Variants in SCN7A observed in about 807,000 individuals in gnomAD.
SCN7A encodes sodium voltage-gated channel alpha subunit 7.
In SCN7A, 138 loss-of-function variants were observed where a neutral mutation model predicts 155.2. The ratio of observed to expected loss-of-function variants is 0.89; its 90% CI spans 0.77 to 1.02. The LOEUF (loss-of-function observed/expected upper bound fraction) is 1.02, where lower values mean the gene tolerates loss of function less well. SCN7A is among the 50% of genes least tolerant of loss of function. SCN7A has a pLI of 0.00. For synonymous variants in SCN7A, 693 were observed against 649.0 expected, an observed-to-expected ratio of 1.07 and a Z score of -1.03; for missense variants, 2,058 against 1,986.6, an observed-to-expected ratio of 1.04 and a Z score of -0.68.
intron 11 of SCN7A, 87 bp downstream of exon 11, chr2:166,456,783 G>A (rs949571013): frequency 1.7e-6 from 1 of 591,244 alleles, no homozygotes; most frequent in Admixed American, 3.7e-5. Flanking sequence ...GCAAATAAAT[G>A]ATTGCTGTTT....
chr2:166,406,335 T>C lies in SCN7A; in HGVS notation c.4294A>G (p.Ile1432Val), dbSNP rs752911716. The change falls in exon 26 of 26, where the codon ATA becomes GTA. Residue 1432 changes from isoleucine (I) to valine (V), a missense_variant. Physicochemically the swap from Ile to Val is conservative, Grantham distance 29. Transcript: ENST00000643258. ...AGCATCCCATCCCAACCAGCAAATA[T>C]TGCAACTTGAAAAAGACAGAGCATA... is the stretch of plus-strand genomic sequence containing the variant. ...NSMLCLFQVA[I>V]FAGWDGMLDA... The C allele has an allele frequency of 5.6e-6, 9 of 1,613,046 alleles. No homozygotes were observed. The East Asian group carries it at 6.7e-5, about 12-fold the overall frequency.
chr2:166,458,798 A>C (rs1250405948), intron 10 of SCN7A, among the ~76,000 whole-genome samples: 1 of 152,186 alleles, frequency 6.6e-6, no homozygotes, highest in Non-Finnish European at 1.5e-5. Flanking sequence ...TACATCATCC[A>C]GGTTTGTGTA....
chr2:166,487,675 T>C (rs770694952), intron 1 of SCN7A, among the ~76,000 whole-genome samples: 4 of 152,180 alleles, frequency 2.6e-5, no homozygotes, highest in Non-Finnish European at 5.9e-5. Flanking sequence ...CCAAATAGAA[T>C]TGTCGAATGT....
chr2:166,469,192 C>A (rs528013046), intron 7 of SCN7A, among the ~76,000 whole-genome samples: 1 of 151,464 alleles, frequency 6.6e-6, no homozygotes, highest in African/African-American at 2.4e-5. Context: ...TAATCCATTC[C>A]ATTTTTCAGT....
At chr2:166,425,138 C>A (rs1271741938) in intron 18 of SCN7A, among the ~76,000 whole-genome samples, 1 of 152,096 alleles carries the variant, frequency 6.6e-6, no homozygotes, top group Non-Finnish European at 1.5e-5. Context: ...AGCCTCCCCA[C>A]AAGATCAAGC....
chr2:166,447,106 C>G (rs910525120), intron 12 of SCN7A, among the ~76,000 whole-genome samples: 2 of 152,110 alleles, frequency 1.3e-5, no homozygotes, highest in Admixed American at 6.6e-5. Flanking sequence ...TGTGTTCATG[C>G]TTGGCTTAGA....
rs201796483 is a variant in SCN7A at position 166,405,417 on chromosome 2, T to C, written c.*163A>G. 26 of 583,938 alleles carry C rather than the reference T, an allele frequency of 4.5e-5. No individual in the cohort carries two copies. In the East Asian group the frequency reaches 7.5e-4, roughly 17 times the overall value. 36.2% of individuals were successfully genotyped at this position (583,938 alleles called of 1,614,324 possible). ...AAGGATTCTCTTGATTTGTTAGATA[T>C]AATGCTAAAAAGTGAATTTGGCATG... is the stretch of plus-strand genomic sequence containing the variant. On this transcript the variant is annotated 3_prime_UTR_variant, in exon 26 of 26. Transcript: ENST00000643258.
chr2:166,412,338 A>G (rs1377890664), intron 23 of SCN7A, among the ~76,000 whole-genome samples, 192 bp downstream of exon 23: 2 of 152,090 alleles, frequency 1.3e-5, no homozygotes, highest in African/African-American at 4.8e-5. Context: ...ACTGTGTAGT[A>G]CATATTTTGG....
intron 12 of SCN7A, among the ~76,000 whole-genome samples, chr2:166,446,042 T>G (rs901790233): frequency 4.6e-5 from 7 of 152,070 alleles, no homozygotes; most frequent in Admixed American, 1.3e-4. Context: ...CTAATTAAAC[T>G]AAAGAGCTTC....
chr2:166,456,165 C>T (rs548668843), intron 11 of SCN7A, among the ~76,000 whole-genome samples: 1 of 152,098 alleles, frequency 6.6e-6, no homozygotes, highest in Non-Finnish European at 1.5e-5. Flanking sequence ...AATGAGAGCA[C>T]ATGGGCACAG....
At position 166,449,300 on chromosome 2, in the gene SCN7A, T is replaced by G. The variant is rs2105449416; in HGVS notation, c.1291-1592A>C. Reference sequence around the variant, plus strand: ...AGCAAAGGATGATATATCTGTATATTTGTTAACTTGAGGTAAAGGCTGCTC... The same window carrying G: ...AGCAAAGGATGATATATCTGTATATGTGTTAACTTGAGGTAAAGGCTGCTC... On this transcript the variant is annotated intron_variant, in intron 11 of 25. Transcript: ENST00000643258. Among the ~76,000 whole-genome samples the G allele has an allele frequency of 1.3e-5, 2 of 152,250 alleles. 1 individual carries two copies. The highest frequency in any genetic ancestry group is 4.1e-4 in the South Asian group (2 of 4,824).
Position 166,444,875 on chromosome 2 carries a change from G to C in SCN7A, c.1513C>G (p.Pro505Ala), listed in dbSNP as rs766603921. The part of the protein sequence containing the change: ...KEFVHRIIMA[P>A]FTDLFLIICI... Reference sequence around the variant, plus strand: ...ATGATAAGGAAAAGATCAGTAAATGGTGCCATTATAATCCTATGGACAAAC... The same window carrying C: ...ATGATAAGGAAAAGATCAGTAAATGCTGCCATTATAATCCTATGGACAAAC... Residue 505 changes from proline (P) to alanine (A), a missense_variant, in exon 13 of 26, where the codon CCA (proline) becomes GCA (alanine). By Grantham distance (27) the Pro-to-Ala change is conservative. Transcript: ENST00000643258. The C allele has an allele frequency of 3.1e-6, 5 of 1,611,936 alleles. No individual in the cohort carries two copies. Among genetic ancestry groups the C allele is most frequent in the Non-Finnish European group, 4.2e-6 (5 of 1,178,412 alleles).
At chr2:166,406,840 A>ATT (rs1701087462) in intron 25 of SCN7A, among the ~76,000 whole-genome samples, 194 bp from the exon 26 acceptor site, 2 of 152,026 alleles carry the variant, frequency 1.3e-5, no homozygotes, top group African/African-American at 4.8e-5. Context: ...CTATTGTATC[A>ATT]ATGCTCAGGG....
chr2:166,490,482 G>A (rs1351008222), intron 1 of SCN7A, among the ~76,000 whole-genome samples: 1 of 152,096 alleles, frequency 6.6e-6, no homozygotes, highest in East Asian at 1.9e-4. Flanking sequence ...GCTCTCCCAT[G>A]TTTCCTGCAG....
intron 2 of SCN7A, among the ~76,000 whole-genome samples, chr2:166,480,702 T>C (rs1702906100): frequency 6.6e-6 from 1 of 152,220 alleles, no homozygotes. Context: ...GACATTGTCT[T>C]GGTATTTTGA....
In SCN7A at chr2:166,423,258, C is replaced by T. The variant is rs80167323; in HGVS notation, c.3027+1G>A. 1 of 1,598,862 alleles carries T rather than the reference C, an allele frequency of 6.3e-7. No individual in the cohort carries two copies. Among genetic ancestry groups the T allele is most frequent in the South Asian group, 1.1e-5 (1 of 87,486 alleles). ...CCTTTCATTTTCTTTAAAATACGTA[C>T]AATAACAACCACGAAGTCCAGCCTG... On this transcript the variant is annotated splice_donor_variant, in intron 19 of 25. Transcript: ENST00000643258. LOFTEE classifies it high-confidence loss of function.
chr2:166,442,284 A>G (rs1399239219), intron 14 of SCN7A, among the ~76,000 whole-genome samples: 2 of 152,202 alleles, frequency 1.3e-5, no homozygotes, highest in Non-Finnish European at 1.5e-5. Flanking sequence ...TATACAGAAC[A>G]AGATTACCTT....
At chr2:166,471,612 A>G (rs1559122905) in intron 6 of SCN7A, among the ~76,000 whole-genome samples, 2 of 151,758 alleles carry the variant, frequency 1.3e-5, no homozygotes, top group Admixed American at 6.6e-5. Flanking sequence ...ATTTTTAACA[A>G]GAGTTTGATG....
rs749592506 is a variant in SCN7A, at chr2:166,441,668, C to G, written c.1885G>C (p.Asp629His). The G allele has an allele frequency of 6.2e-7, 1 of 1,613,860 alleles. No homozygotes were observed. The highest frequency in any genetic ancestry group is 1.7e-4 in the Middle Eastern group (1 of 6,060). ...AATGTGAACAACAACAGGACCAAGT[C>G]TTTCAGGGCCACCCATGAGTTACTA... ...SLSNSWVALK[D>H]LVLLLFTFIF... The change falls in exon 15 of 26, where the codon GAC becomes CAC. Residue 629 changes from aspartate (D) to histidine (H), a missense_variant. Asp to His is a moderately conservative substitution (Grantham distance 81, BLOSUM62 -1). Transcript: ENST00000643258.
Sources: gnomAD v4.1 joint callset for allele counts (sites outside exome capture counted in the v4.1 genomes callset) on GRCh38, gnomAD v4.1.1 for gene constraint, MANE v1.5 for transcripts, NCBI Gene and HGNC (gene_info 2026-07-23, HGNC 2026-07-21) for gene names.